GRIK2: variants seen among roughly 807,000 people sequenced by gnomAD.
GRIK2 encodes the protein glutamate ionotropic receptor kainate type subunit 2, also known as glutamate receptor ionotropic, kainate 2.
In GRIK2, 32 loss-of-function variants were observed where a neutral mutation model predicts 100.3. The ratio of observed to expected loss-of-function variants is 0.32; its 90% CI spans 0.24 to 0.43. GRIK2 has a LOEUF of 0.43. GRIK2 is among the 20% of genes least tolerant of loss of function. The probability of loss-of-function intolerance (pLI) is 1.00; values close to 1 mark genes in which losing one functional copy is unlikely to be tolerated. For missense variants in GRIK2, 843 were observed against 1,114.9 expected (o/e 0.76, Z 3.47); for synonymous variants, 417 against 389.4 (o/e 1.07, Z -0.83).
intron 2 of GRIK2, among the ~76,000 whole-genome samples, chr6:101,452,847 T>C (rs982457303): frequency 2.0e-5 from 3 of 151,870 alleles, no homozygotes; most frequent in Non-Finnish European, 4.4e-5. Flanking sequence ...TATCTGAATG[T>C]TGTCCATAGA....
intron 12 of GRIK2, among the ~76,000 whole-genome samples, chr6:101,918,422 CT>C (rs936424759): frequency 4.0e-5 from 6 of 150,938 alleles, no homozygotes; most frequent in African/African-American, 1.2e-4. Flanking sequence ...GTTGAATTAG[CT>C]TTTTTTTCAA....
chr6:101,749,887 A>G (rs1414161036), intron 7 of GRIK2, among the ~76,000 whole-genome samples: 3 of 137,696 alleles, frequency 2.2e-5, no homozygotes, highest in Non-Finnish European at 4.5e-5. Flanking sequence ...ATCTCGGCTC[A>G]CCTCAACCTC....
At chr6:101,964,778 A>C (rs1792550998) in intron 14 of GRIK2, among the ~76,000 whole-genome samples, 1 of 152,158 alleles carries the variant, frequency 6.6e-6, no homozygotes, top group South Asian at 2.1e-4. Context: ...AAACAAGCTC[A>C]AAGACTTTTT....
intron 2 of GRIK2, among the ~76,000 whole-genome samples, chr6:101,457,565 T>C (rs1183152239): frequency 1.3e-5 from 2 of 152,188 alleles, no homozygotes; most frequent in Non-Finnish European, 2.9e-5. Flanking sequence ...ATTATCATTT[T>C]GACTTTTTCA....
chr6:101,732,754 CT>C (rs1049646306), intron 7 of GRIK2, among the ~76,000 whole-genome samples: 10 of 152,022 alleles, frequency 6.6e-5, no homozygotes, highest in Non-Finnish European at 1.5e-5. Context: ...TGCTCAAAAC[CT>C]TGCAATCATC....
intron 2 of GRIK2, among the ~76,000 whole-genome samples, chr6:101,603,388 A>G (rs534303559): frequency 9.9e-5 from 15 of 151,778 alleles, no homozygotes; most frequent in African/African-American, 3.4e-4. Context: ...CTTGTAGATC[A>G]TTGGAGGAGA....
At chr6:101,742,231 A>G (rs1776080822) in intron 7 of GRIK2, among the ~76,000 whole-genome samples, 1 of 152,246 alleles carries the variant, frequency 6.6e-6, no homozygotes, top group Non-Finnish European at 1.5e-5. Context: ...CCAATCACTA[A>G]GGTGACAAGT....
At chr6:101,421,486 T>C (rs1047655474) in intron 2 of GRIK2, among the ~76,000 whole-genome samples, 1 of 152,152 alleles carries the variant, frequency 6.6e-6, no homozygotes, top group African/African-American at 2.4e-5. Flanking sequence ...CCTTAATATA[T>C]GTTCATTAAT....
chr6:101,815,902 T>C (rs1263791821), intron 9 of GRIK2, among the ~76,000 whole-genome samples: 1 of 152,190 alleles, frequency 6.6e-6, no homozygotes, highest in Non-Finnish European at 1.5e-5. Flanking sequence ...CAAAAGAGGA[T>C]AACTAATACT....
rs947788132 is a variant in GRIK2 at position 101,580,098 on chromosome 6, G to A, written c.116-41851G>A. On this transcript the variant is annotated intron_variant, in intron 2 of 16. Coordinates refer to ENST00000369134, the MANE Select transcript of GRIK2 (RefSeq NM_021956.5). ...TCTCAAATGATTGTATCTAATTCTC[G>A]TAACTTTAAATACTGCCACAATCTG... Among the ~76,000 whole-genome samples, 34 of 151,992 alleles carry A rather than the reference G, an allele frequency of 2.2e-4. No individual in the cohort carries two copies. In the Middle Eastern group the frequency reaches 0.024, roughly 106 times the overall value.
chr6:101,632,967 T>G (rs761557797), intron 4 of GRIK2, among the ~76,000 whole-genome samples: 31 of 151,916 alleles, frequency 2.0e-4, no homozygotes, highest in Non-Finnish European at 1.9e-4. Context: ...TGGAGAAGAG[T>G]CTACAGTGTG....
Position 101,494,539 on chromosome 6 carries a change from A to G in GRIK2, c.115+95147A>G, listed in dbSNP as rs187342406. Among the ~76,000 whole-genome samples, 437 of 152,216 alleles carry G rather than the reference A, an allele frequency of 2.9e-3. 3 individuals carry two copies. Among genetic ancestry groups the G allele is most frequent in the African/African-American group, 0.01 (426 of 41,572 alleles). On this transcript the variant is annotated intron_variant, in intron 2 of 16. Coordinates refer to ENST00000369134, the MANE Select transcript of GRIK2 (RefSeq NM_021956.5). ...TGATTATATTATTTATAAAATTAATAAGAATTAGTATTCATTGTAGACGAC... is the reference window on the plus strand; with the variant it reads ...TGATTATATTATTTATAAAATTAATGAGAATTAGTATTCATTGTAGACGAC...
chr6:101,731,831 C>T (rs1026309888), intron 7 of GRIK2, among the ~76,000 whole-genome samples: 2 of 151,954 alleles, frequency 1.3e-5, no homozygotes, highest in Admixed American at 6.6e-5. Flanking sequence ...CAGTTACCTA[C>T]AATTTACAGA....
intron 2 of GRIK2, among the ~76,000 whole-genome samples, chr6:101,613,235 T>A (rs1779757299): frequency 6.6e-6 from 1 of 151,758 alleles, no homozygotes; most frequent in Admixed American, 6.6e-5. Flanking sequence ...AGAAGACCAT[T>A]ACCTAGTTTA....
intron 7 of GRIK2, among the ~76,000 whole-genome samples, chr6:101,698,431 T>G (rs183759896): frequency 1.3e-5 from 2 of 152,102 alleles, no homozygotes; most frequent in Admixed American, 1.3e-4. Flanking sequence ...TGCTTTATTA[T>G]GCAGAGGAAA....
intron 2 of GRIK2, among the ~76,000 whole-genome samples, chr6:101,505,009 C>A (rs2128275618): frequency 1.3e-5 from 2 of 151,076 alleles, no homozygotes; most frequent in East Asian, 3.9e-4. Context: ...TTTCAGGGAA[C>A]AAGTTCATTT....
intron 12 of GRIK2, among the ~76,000 whole-genome samples, chr6:101,918,074 A>G (rs1418173257): frequency 6.6e-6 from 1 of 151,680 alleles, no homozygotes; most frequent in Non-Finnish European, 1.5e-5. Context: ...TATGTCAACA[A>G]AGCAATTAAG....
At chr6:101,448,745 G>A (rs372274680) in intron 2 of GRIK2, among the ~76,000 whole-genome samples, 1 of 151,462 alleles carries the variant, frequency 6.6e-6, no homozygotes, top group South Asian at 2.1e-4. Flanking sequence ...GACACACTGT[G>A]TTTCTTCCAA....
At chr6:101,538,607 A>G (rs1255937571) in intron 2 of GRIK2, among the ~76,000 whole-genome samples, 1 of 138,726 alleles carries the variant, frequency 7.2e-6, no homozygotes, top group Non-Finnish European at 1.6e-5. Context: ...AAATGCCCTC[A>G]GTATCTTTTT....
Sources: allele counts gnomAD v4.1 joint callset (sites outside exome capture counted in the v4.1 genomes callset), GRCh38; gene constraint gnomAD v4.1.1; transcripts MANE v1.5; gene names NCBI Gene and HGNC (gene_info 2026-07-23, HGNC 2026-07-21).